The following CLIP1 variants were observed in gnomAD, a reference collection of about 807,000 sequenced individuals.
CLIP1 encodes the protein CAP-Gly domain-containing linker protein 1.
A neutral mutation model predicts 161.6 loss-of-function variants in CLIP1; 66 were observed. The ratio of observed to expected loss-of-function variants is 0.41; its 90% confidence interval spans 0.33 to 0.50. The LOEUF (loss-of-function observed/expected upper bound fraction) is 0.50. CLIP1 is among the 20% of genes least tolerant of loss of function. CLIP1 has a pLI of 0.27. For synonymous variants in CLIP1, 598 were observed against 626.2 expected, an observed-to-expected ratio of 0.96 and a Z score of 0.67; for missense variants, 1,376 against 1,702.0, an observed-to-expected ratio of 0.81 and a Z score of 3.37.
intron 19 of CLIP1, among the ~76,000 whole-genome samples, chr12:122,314,290 C>CAAAAA (rs35901280): frequency 4.0e-5 from 4 of 99,078 alleles, no homozygotes; most frequent in Non-Finnish European, 8.5e-5. Flanking sequence ...GACTCCATCT[C>CAAAAA]AAAAAAAAAA....
At chr12:122,365,001 C>T (rs975310501) in intron 3 of CLIP1, 28 of 395,326 alleles carry the variant, frequency 7.1e-5, no homozygotes, top group Non-Finnish European at 1.2e-4. Context: ...AACCAAACAC[C>T]GCATGTTCTC....
chr12:122,354,995 G>A (rs1345283310), intron 6 of CLIP1, 120 bp downstream of exon 6: 5 of 833,006 alleles, frequency 6.0e-6, no homozygotes, highest in African/African-American at 5.1e-5. Flanking sequence ...GCAAAGAAAT[G>A]TACACCCATT....
intron 20 of CLIP1, among the ~76,000 whole-genome samples, chr12:122,300,781 G>T (rs1593013336): frequency 6.6e-6 from 1 of 152,162 alleles, no homozygotes; most frequent in Non-Finnish European, 1.5e-5. Flanking sequence ...CTCAAATTTT[G>T]TTAGTCACAT....
chr12:122,358,986 G>A (rs970403367), intron 5 of CLIP1, among the ~76,000 whole-genome samples: 23 of 152,100 alleles, frequency 1.5e-4, no homozygotes, highest in African/African-American at 4.8e-4. Context: ...GCTTGAACCC[G>A]GGAGACAAGA....
intron 4 of CLIP1, among the ~76,000 whole-genome samples, chr12:122,361,691 C>A (rs1953819953): frequency 6.6e-6 from 1 of 152,098 alleles, no homozygotes; most frequent in Non-Finnish European, 1.5e-5. Context: ...TATGGACAGA[C>A]CCCGTCTCTA....
At chr12:122,422,873 C>T, upstream of CLIP1, among the ~76,000 whole-genome samples, 1 of 151,770 alleles carries the variant, frequency 6.6e-6, no homozygotes, top group Admixed American at 6.6e-5. Flanking sequence ...CCCTCGAACC[C>T]TCCCGAGCCC....
At chr12:122,274,325 G>T in intron 24 of CLIP1, 163 bp from the exon 25 acceptor site, 1 of 564,580 alleles carries the variant, frequency 1.8e-6, no homozygotes, top group Non-Finnish European at 3.2e-6. Flanking sequence ...CGGAGGACAG[G>T]CATGCTGAGA....
At chr12:122,326,092 T>C (rs1003718605) in intron 17 of CLIP1, among the ~76,000 whole-genome samples, 2 of 152,228 alleles carry the variant, frequency 1.3e-5, no homozygotes, top group African/African-American at 2.4e-5. Flanking sequence ...ACGTAAACTT[T>C]CCTGAAAAAA....
intron 21 of CLIP1, 87 bp downstream of exon 21, chr12:122,288,402 C>T (rs1566078771): frequency 1.7e-6 from 2 of 1,177,112 alleles, no homozygotes; most frequent in Non-Finnish European, 2.4e-6. Flanking sequence ...AAGAAGGTCA[C>T]TTGTTTTCTA....
chr12:122,347,111 T>G (rs1952787982), intron 10 of CLIP1, among the ~76,000 whole-genome samples: 1 of 152,236 alleles, frequency 6.6e-6, no homozygotes, highest in Admixed American at 6.5e-5. Context: ...TACAGTTATA[T>G]CCATTCATTT....
intron 11 of CLIP1, among the ~76,000 whole-genome samples, chr12:122,337,053 T>C (rs1399041587): frequency 6.6e-6 from 1 of 151,768 alleles, no homozygotes; most frequent in African/African-American, 2.4e-5. Context: ...ACTGCAGCCT[T>C]AGAACTCCTG....
intron 3 of CLIP1, among the ~76,000 whole-genome samples, chr12:122,374,899 A>G (rs1432457997): frequency 6.6e-6 from 1 of 152,196 alleles, no homozygotes; most frequent in Non-Finnish European, 1.5e-5. Flanking sequence ...ACCTCCTCAT[A>G]TATGGTCATG....
intron 13 of CLIP1, 75 bp from the exon 14 acceptor site, chr12:122,334,185 C>T: frequency 1.1e-6 from 1 of 889,934 alleles, no homozygotes; most frequent in Non-Finnish European, 1.8e-6. Flanking sequence ...TGTCTTACAA[C>T]CCAGTCAAAT....
At chr12:122,408,423 A>C (rs1956409182) in intron 1 of CLIP1, among the ~76,000 whole-genome samples, 1 of 151,698 alleles carries the variant, frequency 6.6e-6, no homozygotes, top group Non-Finnish European at 1.5e-5. Flanking sequence ...ATCTCAGCTC[A>C]CTGCAACCTC....
chr12:122,377,339 T>G, intron 3 of CLIP1, 50 bp downstream of exon 3: 2 of 1,493,844 alleles, frequency 1.3e-6, no homozygotes, highest in Non-Finnish European at 1.8e-6. Context: ...CACTCACTGG[T>G]GTTTATATCT....
At chr12:122,314,502 C>CGTTTTTTGTT (rs1466757695) in intron 19 of CLIP1, among the ~76,000 whole-genome samples, 1 of 152,014 alleles carries the variant, frequency 6.6e-6, no homozygotes, top group African/African-American at 2.4e-5. Context: ...ACAAAAGACT[C>CGTTTTTTGTT]GTAAGTAGTA....
intron 13 of CLIP1, 130 bp downstream of exon 13, chr12:122,334,518 C>T (rs142492405): frequency 4.0e-5 from 26 of 652,468 alleles, no homozygotes; most frequent in Middle Eastern, 5.0e-4. Context: ...TCTTTCTGAG[C>T]ACGGCAGGAA....
At chr12:122,321,817 C>A (rs906571738) in intron 17 of CLIP1, among the ~76,000 whole-genome samples, 1 of 152,206 alleles carries the variant, frequency 6.6e-6, no homozygotes, top group Non-Finnish European at 1.5e-5. Flanking sequence ...CTGCGCCCAG[C>A]CGAATTTCAC....
intron 1 of CLIP1, among the ~76,000 whole-genome samples, chr12:122,393,450 C>T (rs1955755714): frequency 6.6e-6 from 1 of 152,174 alleles, no homozygotes; most frequent in Admixed American, 6.5e-5. Flanking sequence ...GCATGTGCCA[C>T]CATGCCCAGC....
Sources: gnomAD v4.1 joint callset for allele counts (sites outside exome capture counted in the v4.1 genomes callset) on GRCh38, gnomAD v4.1.1 for gene constraint, MANE v1.5 for transcripts, NCBI Gene and HGNC (gene_info 2026-07-23, HGNC 2026-07-21) for gene names.